NDUFAF2: variants seen among roughly 807,000 people sequenced by gnomAD.
NDUFAF2 encodes the protein NADH:ubiquinone oxidoreductase complex assembly factor 2, also known as NADH dehydrogenase [ubiquinone] 1 alpha subcomplex assembly factor 2.
NDUFAF2 carries 13 observed loss-of-function variants against 22.8 expected under a neutral mutation model. That is an observed-to-expected ratio of 0.57 (90% CI 0.37 to 0.91). The LOEUF (loss-of-function observed/expected upper bound fraction) is 0.91, where lower values mean the gene tolerates loss of function less well. Among genes scored for constraint, NDUFAF2 ranks in the 40% least tolerant of loss-of-function variants. NDUFAF2 has a pLI of 0.01. For synonymous variants in NDUFAF2, 53 were observed against 64.2 expected (o/e 0.83, Z 0.84); for missense variants, 162 against 195.2 (o/e 0.83, Z 1.01).
At chr5:61,029,988 A>G (rs764943296) in intron 1 of NDUFAF2, among the ~76,000 whole-genome samples, 2 of 152,134 alleles carry the variant, frequency 1.3e-5, no homozygotes, top group African/African-American at 4.8e-5. Context: ...CTGGGTGACC[A>G]TGGAAGTAGT....
intron 3 of NDUFAF2, among the ~76,000 whole-genome samples, chr5:61,147,782 G>T (rs1489628813): frequency 6.6e-6 from 1 of 152,084 alleles, no homozygotes; most frequent in Non-Finnish European, 1.5e-5. Flanking sequence ...AGTGCCTACT[G>T]TATTGTACAG....
At chr5:60,970,194 T>C (rs1025982886) in intron 1 of NDUFAF2, among the ~76,000 whole-genome samples, 9 of 152,176 alleles carry the variant, frequency 5.9e-5, no homozygotes, top group Non-Finnish European at 1.0e-4. Context: ...TTAGAATAGC[T>C]TTGGCTATTC....
intron 3 of NDUFAF2, among the ~76,000 whole-genome samples, chr5:61,118,513 CAGAT>C (rs762780811): frequency 4.9e-4 from 75 of 152,106 alleles, no homozygotes; most frequent in Non-Finnish European, 6.6e-4. Flanking sequence ...CTTTTTCTGA[CAGAT>C]AGTAAGTCAG....
intron 3 of NDUFAF2, among the ~76,000 whole-genome samples, chr5:61,145,269 C>G (rs1741122249): frequency 6.6e-6 from 1 of 152,146 alleles, no homozygotes; most frequent in South Asian, 2.1e-4. Flanking sequence ...GGCTTAAGTT[C>G]ACATCACTGA....
intron 1 of NDUFAF2, among the ~76,000 whole-genome samples, chr5:60,948,859 T>G (rs1282527311): frequency 6.6e-6 from 1 of 152,196 alleles, no homozygotes; most frequent in Non-Finnish European, 1.5e-5. Context: ...TATGTTTAAC[T>G]TCTTAAGAAA....
intron 2 of NDUFAF2, among the ~76,000 whole-genome samples, chr5:61,081,198 T>C (rs950710058): frequency 6.6e-5 from 10 of 152,194 alleles, no homozygotes; most frequent in African/African-American, 2.4e-4. Context: ...TTTTTGCTAG[T>C]GCTGATTGTC....
At chr5:61,035,815 AGTCTAGAGCATATG>A (rs1271643922) in intron 1 of NDUFAF2, among the ~76,000 whole-genome samples, 7 of 152,178 alleles carry the variant, frequency 4.6e-5, no homozygotes, top group African/African-American at 1.7e-4. Context: ...TTTATAATAT[AGTCTAGAGCATATG>A]ATGAGTCTAC....
At chr5:61,019,026 G>A (rs1240357353) in intron 1 of NDUFAF2, among the ~76,000 whole-genome samples, 1 of 151,930 alleles carries the variant, frequency 6.6e-6, no homozygotes, top group Non-Finnish European at 1.5e-5. Context: ...CCTTATGTGG[G>A]TAATTCTCAT....
intron 1 of NDUFAF2, among the ~76,000 whole-genome samples, chr5:61,046,706 C>CTTTAAATAATA (rs1343563247): frequency 6.6e-6 from 1 of 152,072 alleles, no homozygotes; most frequent in Non-Finnish European, 1.5e-5. Context: ...TGGGAATAAG[C>CTTTAAATAATA]AGTTTTAAAG....
intron 3 of NDUFAF2, among the ~76,000 whole-genome samples, chr5:61,112,219 CTTT>C (rs56806779): frequency 7.6e-6 from 1 of 132,142 alleles, no homozygotes. Context: ...ATCCCCCCCC[CTTT>C]TTTTTTTTTT....
intron 1 of NDUFAF2, among the ~76,000 whole-genome samples, chr5:61,040,297 CGCGCGA>C (rs1485790216): frequency 7.0e-4 from 105 of 150,554 alleles, no homozygotes; most frequent in Middle Eastern, 6.9e-3. Flanking sequence ...CGCGCGCGCG[CGCGCGA>C]AAGTTGAAAG....
intron 1 of NDUFAF2, among the ~76,000 whole-genome samples, chr5:61,039,274 A>G (rs1009015745): frequency 6.6e-6 from 1 of 152,108 alleles, no homozygotes; most frequent in Non-Finnish European, 1.5e-5. Context: ...AGAGATGGGA[A>G]GAGACTATAT....
intron 1 of NDUFAF2, 70 bp from the exon 2 acceptor site, chr5:61,073,055 C>G: frequency 1.1e-6 from 1 of 945,466 alleles, no homozygotes; most frequent in Non-Finnish European, 1.7e-6. Flanking sequence ...ATGCAATATT[C>G]AAAGATTAAT....
intron 1 of NDUFAF2, among the ~76,000 whole-genome samples, chr5:60,987,545 G>A (rs1434897876): frequency 6.6e-6 from 1 of 152,090 alleles, no homozygotes; most frequent in Non-Finnish European, 1.5e-5. Flanking sequence ...CAAAATACTA[G>A]CAAATCCAAT....
At chr5:61,152,144 T>G (rs1382201859) in intron 3 of NDUFAF2, among the ~76,000 whole-genome samples, 7 of 152,170 alleles carry the variant, frequency 4.6e-5, no homozygotes, top group Non-Finnish European at 1.0e-4. Flanking sequence ...TGCAACAGTG[T>G]CTAGGGCATG....
chr5:61,002,210 G>A (rs1751305580), intron 1 of NDUFAF2, among the ~76,000 whole-genome samples: 1 of 151,986 alleles, frequency 6.6e-6, no homozygotes, highest in African/African-American at 2.4e-5. Context: ...CATCAAACAG[G>A]TCTCCTTTCA....
chr5:61,069,104 A>G (rs1226216144), intron 1 of NDUFAF2, among the ~76,000 whole-genome samples: 1 of 151,810 alleles, frequency 6.6e-6, no homozygotes, highest in Non-Finnish European at 1.5e-5. Flanking sequence ...GGCACATGGT[A>G]AACATGCCAT....
chr5:61,129,192 G>A (rs927413762), intron 3 of NDUFAF2, among the ~76,000 whole-genome samples: 1 of 152,192 alleles, frequency 6.6e-6, no homozygotes, highest in Admixed American at 6.5e-5. Flanking sequence ...TACACTGTTG[G>A]TGGGACTGTA....
At chr5:60,995,619 A>G (rs1276714715) in intron 1 of NDUFAF2, among the ~76,000 whole-genome samples, 1 of 152,180 alleles carries the variant, frequency 6.6e-6, no homozygotes, top group African/African-American at 2.4e-5. Flanking sequence ...TGACTACACT[A>G]TGTCAGACCT....
Sources: allele counts gnomAD v4.1 joint callset (sites outside exome capture counted in the v4.1 genomes callset), GRCh38; gene constraint gnomAD v4.1.1; transcripts MANE v1.5; gene names NCBI Gene and HGNC (gene_info 2026-07-23, HGNC 2026-07-21).